The following SPG11 variants were observed in gnomAD, a reference collection of about 807,000 sequenced individuals.
SPG11 encodes the protein SPG11 vesicle trafficking associated, spatacsin.
SPG11 carries 222 observed loss-of-function variants against 274.0 expected under a neutral mutation model. That is an observed-to-expected ratio of 0.81 (90% CI 0.73 to 0.91). The LOEUF is 0.91. Ranked by LOEUF, SPG11 falls within the 40% of genes least tolerant of loss-of-function variation. SPG11 has a pLI of 0.00. For missense variants in SPG11, 3,114 were observed against 2,872.7 expected, an observed-to-expected ratio of 1.08 and a Z score of -1.92; for synonymous variants, 1,144 against 1,039.7, an observed-to-expected ratio of 1.10 and a Z score of -1.93.
At position 44,659,177 on chromosome 15, in the gene SPG11, C is replaced by G; in HGVS notation, c.569G>C (p.Cys190Ser). 2.5e-6 allele frequency: 4 copies of G among 1,614,180 alleles called. No homozygotes were observed. Among genetic ancestry groups the G allele is most frequent in the East Asian group, 4.5e-5 (2 of 44,878 alleles). Residue 190 changes from cysteine (C) to serine (S), a missense_variant, in exon 3 of 40, where the codon TGT becomes TCT. Transcript: ENST00000261866. ...ERDAAIRVLN[C>S]FTLPLPAQAV... Reference sequence around the variant, plus strand: ...CTGTGCAGGCAAGGGAAGTGTGAAACAGTTGAGTACTCTAATTGCAGCATC... The same window carrying G: ...CTGTGCAGGCAAGGGAAGTGTGAAAGAGTTGAGTACTCTAATTGCAGCATC...
chr15:44,589,706 T>G (rs1450107476), intron 27 of SPG11, among the ~76,000 whole-genome samples: 3 of 152,254 alleles, frequency 2.0e-5, no homozygotes, highest in Admixed American at 2.0e-4. Flanking sequence ...GAATGCTAAC[T>G]ACAGAGTTAA....
Position 44,659,087 on chromosome 15 carries a change from C to A in SPG11, c.659G>T (p.Gly220Val). ...TCTACCACCAAGGATACAGATCCAG[C>A]CTAAACTACTCAAAACAAAAAGAAT... ...RGILFVLSSL[G>V]WIYIFDVVDG... Residue 220 changes from glycine (G) to valine (V), a missense_variant, in exon 3 of 40, where the codon GGC becomes GTC. Gly to Val is a moderately radical substitution (Grantham distance 109, BLOSUM62 -3). Coordinates refer to ENST00000261866, the MANE Select transcript of SPG11 (RefSeq NM_025137.4). The A allele has an allele frequency of 2.5e-6, 4 of 1,614,078 alleles. No individual in the cohort carries two copies. Among genetic ancestry groups the A allele is most frequent in the Non-Finnish European group, 3.4e-6 (4 of 1,179,968 alleles).
chr15:44,580,190 T>C (rs1442316651), intron 30 of SPG11, among the ~76,000 whole-genome samples: 1 of 152,232 alleles, frequency 6.6e-6, no homozygotes, highest in African/African-American at 2.4e-5. Flanking sequence ...GATACACAAA[T>C]ACTTACCATT....
intron 27 of SPG11, 58 bp downstream of exon 27, chr15:44,592,273 T>A: frequency 9.6e-7 from 1 of 1,045,418 alleles, no homozygotes; most frequent in Non-Finnish European, 1.5e-6. Flanking sequence ...AACAAAAAAG[T>A]CCATGCATGC....
At chr15:44,609,365 G>A (rs2083401549) in intron 18 of SPG11, among the ~76,000 whole-genome samples, 3 of 151,362 alleles carry the variant, frequency 2.0e-5, no homozygotes, top group South Asian at 2.1e-4. Flanking sequence ...TCCTGACCTC[G>A]TGATCCGCCC....
intron 24 of SPG11, 25 bp downstream of exon 24, chr15:44,596,759 T>G: frequency 1.3e-6 from 2 of 1,595,756 alleles, no homozygotes; most frequent in Non-Finnish European, 1.7e-6. Context: ...TCCTTTTGAG[T>G]GACTGCTAAC....
At chr15:44,645,698 T>C (rs1387733624) in intron 7 of SPG11, among the ~76,000 whole-genome samples, 1 of 151,986 alleles carries the variant, frequency 6.6e-6, no homozygotes, top group Non-Finnish European at 1.5e-5. Flanking sequence ...TAAGACAAAA[T>C]ATTTGCAAAC....
intron 36 of SPG11, 87 bp from the exon 37 acceptor site, chr15:44,566,392 GA>G (rs1173205681): frequency 7.5e-7 from 1 of 1,328,456 alleles, no homozygotes. Flanking sequence ...GGCTAGAATA[GA>G]AACATCCCAG....
chr15:44,629,113 C>A, intron 9 of SPG11, 120 bp downstream of exon 9: 1 of 1,215,050 alleles, frequency 8.2e-7, no homozygotes, highest in Non-Finnish European at 1.2e-6. Flanking sequence ...ACACACTGAC[C>A]TTACCCAAAT....
intron 7 of SPG11, 97 bp downstream of exon 7, chr15:44,648,769 G>C (rs1036086765): frequency 1.5e-6 from 2 of 1,368,832 alleles, no homozygotes; most frequent in Admixed American, 3.4e-5. Context: ...AGTTCTTTTT[G>C]CTGCTAAATT....
rs184012725 is a variant in SPG11 at position 44,649,455 on chromosome 15, A to G, written c.1457-444T>C. Among the ~76,000 whole-genome samples the G allele has an allele frequency of 7.9e-3, 1,201 of 152,036 alleles. 16 individuals are homozygous for G. Among genetic ancestry groups the G allele is most frequent in the African/African-American group, 0.025 (1,037 of 41,468 alleles). ...ACTTTGTTTCCCAGGCTGGTCTCAC[A>G]CTCCTGGCTTCAAGTGATCCTCCCA... is the stretch of plus-strand genomic sequence containing the variant. On this transcript the variant is annotated intron_variant, in intron 6 of 39. Coordinates refer to ENST00000261866, the MANE Select transcript of SPG11 (RefSeq NM_025137.4).
intron 23 of SPG11, 100 bp downstream of exon 23, chr15:44,598,165 A>G: frequency 1.3e-6 from 1 of 792,076 alleles, no homozygotes; most frequent in Non-Finnish European, 2.2e-6. Context: ...GTCTAGGGGG[A>G]TTTAGTGAAA....
Position 44,584,227 on chromosome 15 carries a change from G to T in SPG11, c.5453C>A (p.Thr1818Lys). The change falls in exon 30 of 40, where the codon ACA (threonine) becomes AAA (lysine). Residue 1818 changes from threonine to lysine, a missense_variant. Transcript: ENST00000261866. ...GATCTGTCGAGAAAATCTGGGCTCTGTTTCCTCCTGATTTCTTCCAAGAGT... is the reference window on the plus strand; with the variant it reads ...GATCTGTCGAGAAAATCTGGGCTCTTTTTCCTCCTGATTTCTTCCAAGAGT... ...QHTLGRNQEE[T>K]EPRFSRQIST... 6.2e-7 allele frequency: 1 copy of T among 1,614,224 alleles called. No homozygotes were observed.
At position 44,640,054 on chromosome 15, in the gene SPG11, C is replaced by T. The variant is rs1298360209; in HGVS notation, c.1603-6417G>A. 3.9e-5 allele frequency among the ~76,000 whole-genome samples: 6 copies of T among 151,932 alleles called. No individual in the cohort carries two copies. The East Asian group carries it at 1.2e-3, about 30-fold the overall frequency. ...TGAAACCCCGTCTCTACTAAAAATACAAAAAATTAGCCAGGCGTAGGGGCA... is the reference window on the plus strand; with the variant it reads ...TGAAACCCCGTCTCTACTAAAAATATAAAAAATTAGCCAGGCGTAGGGGCA... On this transcript the variant is annotated intron_variant, in intron 7 of 39. Transcript: ENST00000261866.
chr15:44,655,232 A>T (rs913049132), intron 4 of SPG11, among the ~76,000 whole-genome samples: 3 of 152,234 alleles, frequency 2.0e-5, no homozygotes, highest in Admixed American at 6.5e-5. Flanking sequence ...GTTTGAGTCC[A>T]GCCTGGACAA....
chr15:44,616,244 C>T (rs1346511236), intron 15 of SPG11, among the ~76,000 whole-genome samples: 5 of 139,804 alleles, frequency 3.6e-5, no homozygotes, highest in Admixed American at 7.8e-5. Flanking sequence ...CTTGCTCTGT[C>T]GCCTAGGCTG....
Position 44,572,752 on chromosome 15 carries a change from C to A in SPG11, c.6274G>T (p.Asp2092Tyr). ...TFLQLTTLCQ[D>Y]RTLVGMKLLD... Reference sequence around the variant, plus strand: ...AACTTCATGCCTACCAATGTGCGGTCTTGACACAGAGTGGTCAGCTGAAGA... The same window carrying A: ...AACTTCATGCCTACCAATGTGCGGTATTGACACAGAGTGGTCAGCTGAAGA... Residue 2092 changes from aspartate (D) to tyrosine (Y), a missense_variant, in exon 33 of 40, where the codon GAC becomes TAC. Coordinates refer to ENST00000261866, the MANE Select transcript of SPG11 (RefSeq NM_025137.4). The A allele has an allele frequency of 6.2e-7, 1 of 1,614,066 alleles. No homozygotes were observed. The highest frequency in any genetic ancestry group is 8.5e-7 in the Non-Finnish European group (1 of 1,179,986).
chr15:44,587,708 A>C lies in SPG11; in HGVS notation c.4906+1544T>G, dbSNP rs1053201032. Among the ~76,000 whole-genome samples, 12 of 150,952 alleles carry C rather than the reference A, an allele frequency of 7.9e-5. 1 individual carries two copies. The South Asian group carries it at 1.7e-3, about 21-fold the overall frequency. On this transcript the variant is annotated intron_variant, in intron 28 of 39. Transcript: ENST00000261866. ...CAGACTGTCTCAAAAAAAAAAAAAAAAAAAAAAAAAAACGTATTCCTGTTC... is the reference window on the plus strand; with the variant it reads ...CAGACTGTCTCAAAAAAAAAAAAAACAAAAAAAAAAAACGTATTCCTGTTC...
chr15:44,622,752 A>AGTT lies in SPG11; in HGVS notation c.2289_2291dup (p.Thr764dup). The stretch of plus-strand genomic sequence containing the variant: ...CCAAAAAGTCACGTATATTTTTATT[A>AGTT]GTTGTATAGAAGCAGATCTTGAGCA... On this transcript the variant is annotated inframe_insertion, in exon 12 of 40. Transcript: ENST00000261866. 6.2e-7 allele frequency: 1 copy of AGTT among 1,613,602 alleles called. No individual in the cohort carries two copies. The highest frequency in any genetic ancestry group is 8.5e-7 in the Non-Finnish European group (1 of 1,179,616).
Sources: gnomAD v4.1 joint callset for allele counts (sites outside exome capture counted in the v4.1 genomes callset) on GRCh38, gnomAD v4.1.1 for gene constraint, MANE v1.5 for transcripts, NCBI Gene and HGNC (gene_info 2026-07-23, HGNC 2026-07-21) for gene names.